Variants in NLRC5 observed in about 807,000 individuals in gnomAD.
NLRC5 encodes protein NLRC5.
NLRC5 carries 114 observed loss-of-function variants against 206.9 expected under a neutral mutation model. The observed-to-expected ratio is 0.55, with a 90% CI of 0.47 to 0.64. The LOEUF (loss-of-function observed/expected upper bound fraction) is 0.64, where lower values mean the gene tolerates loss of function less well. NLRC5 is among the 30% of genes least tolerant of loss of function. The pLI is 0.00. For missense variants in NLRC5, 2,008 were observed against 2,305.5 expected (o/e 0.87, Z 2.64); for synonymous variants, 952 against 962.8 (o/e 0.99, Z 0.21).
chr16:57,052,242 G>A (rs751707151), intron 24 of NLRC5, among the ~76,000 whole-genome samples: 1 of 152,212 alleles, frequency 6.6e-6, no homozygotes, highest in Non-Finnish European at 1.5e-5. Context: ...GGAGGCCGAG[G>A]CGGGCAGATC....
intron 24 of NLRC5, among the ~76,000 whole-genome samples, chr16:57,052,307 T>C (rs1329756112): frequency 6.6e-6 from 1 of 152,158 alleles, no homozygotes; most frequent in Admixed American, 6.5e-5. Flanking sequence ...ACCCCGTCTC[T>C]ACTAAAAATA....
chr16:57,057,079 G>A (rs1345048817), intron 27 of NLRC5, among the ~76,000 whole-genome samples: 1 of 152,176 alleles, frequency 6.6e-6, no homozygotes, highest in Non-Finnish European at 1.5e-5. Flanking sequence ...AGACCTAGGA[G>A]GAAAATCAGA....
At chr16:57,031,201 G>C (rs1340123164) in intron 10 of NLRC5, among the ~76,000 whole-genome samples, 2 of 152,098 alleles carry the variant, frequency 1.3e-5, no homozygotes, top group Non-Finnish European at 2.9e-5. Flanking sequence ...CACTCTTGCA[G>C]GATTCATCAA....
chr16:57,013,204 G>C lies in NLRC5; in HGVS notation c.-127-3870G>C, dbSNP rs746882122. 9.0e-6 allele frequency: 4 copies of C among 442,894 alleles called. No individual in the cohort carries two copies. The Admixed American group carries it at 1.6e-4, about 17-fold the overall frequency. The allele number at this position is 442,894 out of a possible 1,614,324, so 27.4% of individuals were successfully genotyped here. ...GGGATTGACTTCTAACTTCATTAAAGGTTGCGAACAGTATCAAATCCTTGG... is the reference window on the plus strand; with the variant it reads ...GGGATTGACTTCTAACTTCATTAAACGTTGCGAACAGTATCAAATCCTTGG... On this transcript the variant is annotated intron_variant, in intron 1 of 48. Coordinates refer to ENST00000688547, the MANE Select transcript of NLRC5 (RefSeq NM_001384950.1).
chr16:57,025,735 C>T lies in NLRC5; in HGVS notation c.792C>T (p.Leu264=). Residue 264 remains leucine (L), a synonymous_variant, in exon 6 of 49, where the codon CTC becomes CTT. Coordinates refer to ENST00000688547, the MANE Select transcript of NLRC5 (RefSeq NM_001384950.1). ...QALFLFEFRQ[L]NLITRFLTPS... is the part of the protein sequence containing the mutation. Reference sequence around the variant, plus strand: ...TGTTCCTTTTTGAATTCCGCCAGCTCAACTTGATCACGAGGTTCCTGACAC... The same window carrying T: ...TGTTCCTTTTTGAATTCCGCCAGCTTAACTTGATCACGAGGTTCCTGACAC... 3 of 1,614,216 alleles carry T rather than the reference C, an allele frequency of 1.9e-6. No individual in the cohort carries two copies. The highest frequency in any genetic ancestry group is 2.5e-6 in the Non-Finnish European group (3 of 1,180,026).
At chr16:57,024,434 G>A (rs547126706) in intron 5 of NLRC5, among the ~76,000 whole-genome samples, 1 of 152,338 alleles carries the variant, frequency 6.6e-6, no homozygotes, top group East Asian at 1.9e-4. Context: ...GCTATAACCA[G>A]AGGATTCACA....
At chr16:57,000,444 G>T (rs1215887495) in intron 1 of NLRC5, among the ~76,000 whole-genome samples, 5 of 152,138 alleles carry the variant, frequency 3.3e-5, no homozygotes, top group African/African-American at 1.2e-4. Flanking sequence ...GGCCTTGTTG[G>T]ACTGGGGACA....
intron 24 of NLRC5, among the ~76,000 whole-genome samples, chr16:57,053,311 A>G (rs1261140010): frequency 6.6e-6 from 1 of 152,104 alleles, no homozygotes; most frequent in Non-Finnish European, 1.5e-5. Context: ...GGCAGAGGGA[A>G]CGGCATGTGT....
intron 6 of NLRC5, 116 bp from the exon 7 acceptor site, chr16:57,027,956 A>G (rs1048186702): frequency 6.7e-6 from 4 of 598,618 alleles, no homozygotes; most frequent in Non-Finnish European, 2.9e-6. Flanking sequence ...AGTCTCGGCC[A>G]TAATATGTAT....
At chr16:56,993,132 T>TACAC (rs71152227) in intron 1 of NLRC5, among the ~76,000 whole-genome samples, 2 of 120,576 alleles carry the variant, frequency 1.7e-5, no homozygotes, top group Admixed American at 8.7e-5. Context: ...TATATATATA[T>TACAC]ACACACACAC....
At chr16:57,033,318 G>A (rs574286508) in intron 11 of NLRC5, among the ~76,000 whole-genome samples, 16 of 152,324 alleles carry the variant, frequency 1.1e-4, no homozygotes, top group African/African-American at 2.9e-4. Flanking sequence ...GTTGTCATCC[G>A]TTTTAGAAAA....
At chr16:57,077,876 A>G (rs2068602970) in intron 42 of NLRC5, 67 bp from the exon 43 acceptor site, 1 of 1,602,194 alleles carries the variant, frequency 6.2e-7, no homozygotes, top group South Asian at 1.1e-5. Flanking sequence ...CGCAGTGGGC[A>G]CAGGGCAGGG....
At chr16:57,002,365 C>G (rs1173284574) in intron 1 of NLRC5, among the ~76,000 whole-genome samples, 8 of 152,156 alleles carry the variant, frequency 5.3e-5, no homozygotes, top group African/African-American at 1.9e-4. Context: ...CCAGGTTGGT[C>G]TCCAATGCCT....
At chr16:57,064,290 A>T (rs1248215068) in intron 32 of NLRC5, among the ~76,000 whole-genome samples, 1 of 152,206 alleles carries the variant, frequency 6.6e-6, no homozygotes, top group Non-Finnish European at 1.5e-5. Flanking sequence ...GTGCTTTAAA[A>T]ATTCAGCATA....
Position 57,082,759 on chromosome 16 carries a change from C to T in NLRC5, c.*231C>T. ...CTGCATTACGTGGGATATGTGTGAT[C>T]AATTGGGGACATGCGACACACAATG... On this transcript the variant is annotated 3_prime_UTR_variant, in exon 49 of 49. Transcript: ENST00000688547. 2.3e-6 allele frequency: 1 copy of T among 436,426 alleles called. No homozygotes were observed. The highest frequency in any genetic ancestry group is 4.1e-6 in the Non-Finnish European group (1 of 244,898). 27.0% of individuals were successfully genotyped at this position (436,426 alleles called of 1,614,324 possible). A position where few individuals can be genotyped will look rare whatever the true frequency, so the allele number is the denominator to read the frequency against.
chr16:57,081,588 G>A lies in NLRC5; in HGVS notation c.5467G>A (p.Gly1823Arg), dbSNP rs201858955. The part of the protein sequence containing the change: ...AWLLAEGLAQ[G>R]SSIQVIRLWN... ...GCTCCTGGCTGAAGGACTGGCCCAG[G>A]GGTCTAGCATCCAAGTCATCCGGTA... Residue 1823 changes from glycine to arginine, a missense_variant, in exon 48 of 49, where the codon GGG becomes AGG. By Grantham distance (125) the Gly-to-Arg change is moderately radical. Coordinates refer to ENST00000688547, the MANE Select transcript of NLRC5 (RefSeq NM_001384950.1). The A allele has an allele frequency of 4.3e-5, 70 of 1,614,104 alleles. No individual in the cohort carries two copies. In the East Asian group the frequency reaches 1.3e-3, roughly 30 times the overall value.
At chr16:57,021,282 C>T (rs2060641021) in intron 3 of NLRC5, among the ~76,000 whole-genome samples, 1 of 146,244 alleles carries the variant, frequency 6.8e-6, no homozygotes, top group Non-Finnish European at 1.5e-5. Context: ...CCATAATGCC[C>T]GAGAGATTTA....
chr16:57,065,727 A>G (rs2067007876), intron 33 of NLRC5, among the ~76,000 whole-genome samples: 1 of 152,232 alleles, frequency 6.6e-6, no homozygotes, highest in African/African-American at 2.4e-5. Flanking sequence ...GTTGGAGCCC[A>G]TTACTGTGTC....
intron 38 of NLRC5, 61 bp from the exon 39 acceptor site, chr16:57,074,539 C>T: frequency 1.4e-6 from 2 of 1,472,766 alleles, no homozygotes; most frequent in Non-Finnish European, 1.9e-6. Context: ...GGCCTCAGAC[C>T]CCCAGACTGG....
Sources: allele counts gnomAD v4.1 joint callset (sites outside exome capture counted in the v4.1 genomes callset), GRCh38; gene constraint gnomAD v4.1.1; transcripts MANE v1.5; gene names NCBI Gene and HGNC (gene_info 2026-07-23, HGNC 2026-07-21).